Variants in SCFD1 observed in about 807,000 individuals in gnomAD.
The protein encoded by SCFD1 is sec1 family domain-containing protein 1.
In SCFD1, 37 loss-of-function variants were observed where a neutral mutation model predicts 103.2. The ratio of observed to expected loss-of-function variants is 0.36; its 90% CI spans 0.28 to 0.47. The LOEUF is 0.47. SCFD1 is among the 20% of genes least tolerant of loss of function. The probability of loss-of-function intolerance (pLI) is 1.00; values close to 1 mark genes in which losing one functional copy is unlikely to be tolerated. For synonymous variants in SCFD1, 264 were observed against 245.0 expected (o/e 1.08, Z -0.73); for missense variants, 639 against 761.2 (o/e 0.84, Z 1.89).
chr14:30,657,257 G>A (rs1215550878), intron 10 of SCFD1, among the ~76,000 whole-genome samples: 1 of 152,100 alleles, frequency 6.6e-6, no homozygotes, highest in East Asian at 1.9e-4. Context: ...TAAGACACAT[G>A]TACAAATAAT....
intron 10 of SCFD1, among the ~76,000 whole-genome samples, chr14:30,657,315 T>C (rs1024013088): frequency 1.3e-5 from 2 of 152,078 alleles, no homozygotes; most frequent in Non-Finnish European, 2.9e-5. Flanking sequence ...GAAGAGGAAA[T>C]TGGGAAATAT....
rs141724929 is a variant in SCFD1 at position 30,660,024 on chromosome 14, G to A, written c.855+6436G>A. ...CTATTTTTTAAAGTTATAATTTTAC[G>A]CAACAAAATTAATGATAATTTCCTG... On this transcript the variant is annotated intron_variant, in intron 10 of 24. Transcript: ENST00000458591. Among the ~76,000 whole-genome samples the A allele has an allele frequency of 3.3e-3, 506 of 152,084 alleles. 2 individuals are homozygous for A. Among genetic ancestry groups the A allele is most frequent in the African/African-American group, 0.012 (479 of 41,466 alleles).
At chr14:30,704,856 T>G (rs1320948560) in intron 17 of SCFD1, among the ~76,000 whole-genome samples, 1 of 152,154 alleles carries the variant, frequency 6.6e-6, no homozygotes, top group Non-Finnish European at 1.5e-5. Context: ...TGATGCTAAT[T>G]TTGGTTTTTA....
intron 15 of SCFD1, among the ~76,000 whole-genome samples, chr14:30,695,501 G>T (rs1188400184): frequency 6.6e-6 from 1 of 152,108 alleles, no homozygotes; most frequent in African/African-American, 2.4e-5. Flanking sequence ...GGCCAGGAAA[G>T]GGAGAGAGGT....
intron 23 of SCFD1, among the ~76,000 whole-genome samples, chr14:30,723,024 G>A (rs1166909780): frequency 6.6e-6 from 1 of 152,134 alleles, no homozygotes; most frequent in Non-Finnish European, 1.5e-5. Context: ...AGTGCAGGGA[G>A]TAGCAGACAG....
intron 20 of SCFD1, among the ~76,000 whole-genome samples, chr14:30,717,448 T>G (rs1594757137): frequency 6.6e-6 from 1 of 151,576 alleles, no homozygotes; most frequent in East Asian, 2.0e-4. Flanking sequence ...CTGCACTCCA[T>G]CCTGGGTGAC....
Position 30,700,971 on chromosome 14 carries a change from AGTG to A in SCFD1, c.1410+717_1410+719del, listed in dbSNP as rs1167554426. On this transcript the variant is annotated intron_variant, in intron 16 of 24. Coordinates refer to ENST00000458591, the MANE Select transcript of SCFD1 (RefSeq NM_016106.4). ...ATACGTTGTCTATTCTGTAAAAGAA[AGTG>A]GTGATTTTGGTATCAGACTTCTTCT... Among the ~76,000 whole-genome samples, 9 of 152,356 alleles carry A rather than the reference AGTG, an allele frequency of 5.9e-5. 1 individual carries two copies. In the South Asian group the frequency reaches 1.9e-3, roughly 32 times the overall value.
chr14:30,657,928 G>T (rs1887063293), intron 10 of SCFD1, among the ~76,000 whole-genome samples: 1 of 151,720 alleles, frequency 6.6e-6, no homozygotes, highest in African/African-American at 2.4e-5. Flanking sequence ...GTGTCAGAAA[G>T]ATGATTTTTC....
intron 10 of SCFD1, among the ~76,000 whole-genome samples, chr14:30,658,744 A>G (rs899381352): frequency 6.6e-6 from 1 of 152,172 alleles, no homozygotes; most frequent in Admixed American, 6.5e-5. Context: ...CACTTCAGGA[A>G]CACCTATTTC....
chr14:30,715,900 A>AT, intron 19 of SCFD1, 24 bp from the exon 20 acceptor site: 1 of 1,404,684 alleles, frequency 7.1e-7, no homozygotes, highest in Non-Finnish European at 9.9e-7. Flanking sequence ...ATATTCTAAT[A>AT]TTTAACAAAA....
intron 10 of SCFD1, among the ~76,000 whole-genome samples, chr14:30,655,737 G>A (rs1179277597): frequency 6.6e-6 from 1 of 152,190 alleles, no homozygotes; most frequent in East Asian, 1.9e-4. Context: ...TGACTCCAAG[G>A]TTTTAGCCTT....
intron 14 of SCFD1, among the ~76,000 whole-genome samples, chr14:30,675,872 G>A (rs970465406): frequency 6.6e-6 from 1 of 152,140 alleles, no homozygotes; most frequent in African/African-American, 2.4e-5. Context: ...CATTAGAAAG[G>A]CACTAACATA....
At chr14:30,677,327 A>G (rs1889109407) in intron 14 of SCFD1, among the ~76,000 whole-genome samples, 1 of 152,064 alleles carries the variant, frequency 6.6e-6, no homozygotes. Flanking sequence ...CACCCAGTCA[A>G]AAAAATAGAT....
rs140091211 is a variant in SCFD1 at position 30,717,468 on chromosome 14, C to A, written c.1683+1491C>A. On this transcript the variant is annotated intron_variant, in intron 20 of 24. Coordinates refer to ENST00000458591, the MANE Select transcript of SCFD1 (RefSeq NM_016106.4). Reference sequence around the variant, plus strand: ...CTCCATCCTGGGTGACAGAGTGAGACCCTGTCTCAAAAAAAGAAAGAAAAA... The same window carrying A: ...CTCCATCCTGGGTGACAGAGTGAGAACCTGTCTCAAAAAAAGAAAGAAAAA... Among the ~76,000 whole-genome samples the A allele has an allele frequency of 2.9e-3, 436 of 151,874 alleles. 14 individuals carry two copies. The East Asian group carries it at 0.075, about 26-fold the overall frequency.
chr14:30,698,572 G>GC (rs1211645672), intron 15 of SCFD1, among the ~76,000 whole-genome samples: 1 of 152,152 alleles, frequency 6.6e-6, no homozygotes, highest in Non-Finnish European at 1.5e-5. Flanking sequence ...CGGAGGGAGG[G>GC]GAACCTTCCT....
intron 14 of SCFD1, among the ~76,000 whole-genome samples, chr14:30,677,827 CTTT>C (rs58942207): frequency 1.1e-3 from 72 of 67,460 alleles, no homozygotes; most frequent in African/African-American, 4.5e-3. Flanking sequence ...ACCTAAGCAC[CTTT>C]TTTTTTTTTT....
At chr14:30,646,114 C>T (rs568766944) in intron 7 of SCFD1, among the ~76,000 whole-genome samples, 1 of 152,268 alleles carries the variant, frequency 6.6e-6, no homozygotes, top group South Asian at 2.1e-4. Context: ...CAACCTCCAC[C>T]TCCTGGATTC....
chr14:30,648,649 C>G (rs1463417017), intron 7 of SCFD1, among the ~76,000 whole-genome samples: 4 of 152,192 alleles, frequency 2.6e-5, no homozygotes, highest in Admixed American at 1.3e-4. Context: ...CAGAGGCTCA[C>G]ACTTGTTATC....
At chr14:30,660,856 CA>C (rs1887385060) in intron 10 of SCFD1, among the ~76,000 whole-genome samples, 1 of 152,106 alleles carries the variant, frequency 6.6e-6, no homozygotes, top group African/African-American at 2.4e-5. Flanking sequence ...AGCTTCTTGA[CA>C]TAACCCCATC....
Sources: allele counts gnomAD v4.1 joint callset (sites outside exome capture counted in the v4.1 genomes callset), GRCh38; gene constraint gnomAD v4.1.1; transcripts MANE v1.5; gene names NCBI Gene and HGNC (gene_info 2026-07-23, HGNC 2026-07-21).